The following BEND7 variants were observed in gnomAD, a reference collection of about 807,000 sequenced individuals.
The protein encoded by BEND7 is BEN domain-containing protein 7.
A neutral mutation model predicts 50.9 loss-of-function variants in BEND7; 28 were observed. That is an observed-to-expected ratio of 0.55 (90% CI 0.41 to 0.75). The LOEUF is 0.75. Among genes scored for constraint, BEND7 ranks in the 30% least tolerant of loss-of-function variants. The pLI is 0.00. For synonymous variants in BEND7, 170 were observed against 183.9 expected (o/e 0.92, Z 0.61); for missense variants, 477 against 491.3 (o/e 0.97, Z 0.28).
rs563562472 is a variant in BEND7, at chr10:13,458,756, T to C, written c.1064-6098A>G. On this transcript the variant is annotated intron_variant, in intron 6 of 8. Coordinates refer to ENST00000466271, the MANE Select transcript of BEND7 (RefSeq NM_001369863.1). ...CAGGGGACAAGCAGAGGGACCCAAC[T>C]GGGGAGCACTTGCAGCCAGGGATGT... Among the ~76,000 whole-genome samples the C allele has an allele frequency of 4.6e-5, 7 of 152,288 alleles. No individual in the cohort carries two copies. In the East Asian group the frequency reaches 7.7e-4, roughly 17 times the overall value.
Position 13,466,349 on chromosome 10 carries a change from T to C in BEND7, c.1064-13691A>G, listed in dbSNP as rs535143376. The stretch of plus-strand genomic sequence containing the variant: ...GGCTGAGGTGGGCGGATCACCTGGT[T>C]AGGAGTTTGAGACCAGCCTGGCCAA... On this transcript the variant is annotated intron_variant, in intron 6 of 8. Coordinates refer to ENST00000466271, the MANE Select transcript of BEND7 (RefSeq NM_001369863.1). 3.9e-5 allele frequency among the ~76,000 whole-genome samples: 6 copies of C among 152,056 alleles called. No individual in the cohort carries two copies. In the South Asian group the frequency reaches 1.0e-3, roughly 26 times the overall value.
intron 2 of BEND7, among the ~76,000 whole-genome samples, chr10:13,516,149 T>C (rs2399973): frequency 0.2 from 29,984 of 152,244 alleles, 3,044 homozygotes; most frequent in Middle Eastern, 0.24. Flanking sequence ...ACAGTAGGAA[T>C]ACAGCATTGG....
At chr10:13,500,598 T>C (rs2077371521) in intron 2 of BEND7, 1 of 986,958 alleles carries the variant, frequency 1.0e-6, no homozygotes, top group South Asian at 4.7e-5. Flanking sequence ...CACAATGTCC[T>C]TCAGGATGAC....
intron 6 of BEND7, among the ~76,000 whole-genome samples, chr10:13,479,958 G>C (rs1040314267): frequency 6.6e-6 from 1 of 152,192 alleles, no homozygotes; most frequent in Non-Finnish European, 1.5e-5. Context: ...GGGAACAGAA[G>C]GGGGCAGAGA....
chr10:13,452,440 G>C, intron 7 of BEND7, 99 bp downstream of exon 7: 1 of 1,288,834 alleles, frequency 7.8e-7, no homozygotes, highest in Non-Finnish European at 1.1e-6. Flanking sequence ...TCCTTCAAAA[G>C]ACAAGATGCT....
intron 4 of BEND7, among the ~76,000 whole-genome samples, chr10:13,493,843 C>T (rs2132045475): frequency 6.6e-6 from 1 of 152,266 alleles, no homozygotes; most frequent in East Asian, 1.9e-4. Context: ...TAGGATGTCC[C>T]TGCTTTTCAA....
chr10:13,506,868 G>C (rs952104460), intron 2 of BEND7, among the ~76,000 whole-genome samples: 1 of 152,072 alleles, frequency 6.6e-6, no homozygotes, highest in Non-Finnish European at 1.5e-5. Context: ...ATAACCCCAA[G>C]GTTTCCAGCT....
chr10:13,500,737 G>A (rs1414087134), intron 2 of BEND7: 2 of 985,578 alleles, frequency 2.0e-6, no homozygotes, highest in Non-Finnish European at 2.4e-6. Context: ...CATGGCAAGC[G>A]AGGGGGTTTT....
At chr10:13,498,605 G>C (rs1478956160) in intron 3 of BEND7, among the ~76,000 whole-genome samples, 1 of 152,138 alleles carries the variant, frequency 6.6e-6, no homozygotes, top group Non-Finnish European at 1.5e-5. Context: ...AGTAGAGTTA[G>C]AAAGGTCTTA....
At chr10:13,515,527 T>C (rs1448196596) in intron 2 of BEND7, among the ~76,000 whole-genome samples, 1 of 152,254 alleles carries the variant, frequency 6.6e-6, no homozygotes, top group Non-Finnish European at 1.5e-5. Context: ...TATGGAATAC[T>C]GAAAGAAAAT....
intron 2 of BEND7, among the ~76,000 whole-genome samples, chr10:13,505,440 A>G (rs1162936405): frequency 1.3e-5 from 2 of 152,292 alleles, no homozygotes; most frequent in Non-Finnish European, 2.9e-5. Context: ...TGGACCCAAT[A>G]AAGGTACTGG....
At chr10:13,468,146 C>T (rs533731446) in intron 6 of BEND7, among the ~76,000 whole-genome samples, 1 of 152,302 alleles carries the variant, frequency 6.6e-6, no homozygotes, top group East Asian at 1.9e-4. Flanking sequence ...TGCTCATCCT[C>T]CATAGAAGTC....
chr10:13,460,403 C>T (rs1237561145), intron 6 of BEND7, among the ~76,000 whole-genome samples: 2 of 152,188 alleles, frequency 1.3e-5, no homozygotes, highest in Admixed American at 6.5e-5. Flanking sequence ...TAGAAGAGAG[C>T]ATTTTAAACA....
rs368687064 is a variant in BEND7, at chr10:13,492,698, T to G, written c.750A>C (p.Leu250=). 25 of 1,614,066 alleles carry G rather than the reference T, an allele frequency of 1.5e-5. No individual in the cohort carries two copies. In the African/African-American group the frequency reaches 2.3e-4, roughly 15 times the overall value. Residue 250 remains leucine (L), a synonymous_variant, in exon 5 of 9, where the codon CTA becomes CTC. Coordinates refer to ENST00000466271, the MANE Select transcript of BEND7 (RefSeq NM_001369863.1). ...TGTGCTCGGCTGCCTGGAGAGCAGA[T>G]AGCTCAGAGGCCACCACCGACTTTT... ...MEKKSVVASE[L]SALQAAEHTS... is the part of the protein sequence containing the mutation.
intron 5 of BEND7, among the ~76,000 whole-genome samples, chr10:13,492,308 A>G (rs2076720085): frequency 6.6e-6 from 1 of 152,212 alleles, no homozygotes; most frequent in African/African-American, 2.4e-5. Flanking sequence ...AGGTCTCTAC[A>G]CTAAGGAAAT....
intron 2 of BEND7, among the ~76,000 whole-genome samples, chr10:13,517,022 A>G (rs547470749): frequency 1.3e-5 from 2 of 151,426 alleles, no homozygotes; most frequent in South Asian, 4.2e-4. Flanking sequence ...CAGAACAAAT[A>G]AATTAAGCAA....
intron 2 of BEND7, among the ~76,000 whole-genome samples, chr10:13,509,795 G>A (rs188880236): frequency 6.6e-6 from 1 of 152,258 alleles, no homozygotes; most frequent in African/African-American, 2.4e-5. Context: ...AATGAATGGG[G>A]CAAAGTCAAA....
chr10:13,458,081 A>G (rs1382255157), intron 6 of BEND7, among the ~76,000 whole-genome samples: 1 of 152,250 alleles, frequency 6.6e-6, no homozygotes, highest in East Asian at 1.9e-4. Flanking sequence ...TTGAGTTCCA[A>G]GGCACAGGGC....
In BEND7 at chr10:13,477,522, A is replaced by T. The variant is rs185162749; in HGVS notation, c.1063+3377T>A. Among the ~76,000 whole-genome samples, 1,466 of 152,364 alleles carry T rather than the reference A, an allele frequency of 9.6e-3. 10 individuals are homozygous for T. The highest frequency in any genetic ancestry group is 0.014 in the Non-Finnish European group (931 of 68,028). On this transcript the variant is annotated intron_variant, in intron 6 of 8. Transcript: ENST00000466271. ...ACGAATAACAACAACAACAAAAAAG[A>T]CCTTAAATTAATAGCTACTTCTGAA...
Sources: gnomAD v4.1 joint callset for allele counts (sites outside exome capture counted in the v4.1 genomes callset) on GRCh38, gnomAD v4.1.1 for gene constraint, MANE v1.5 for transcripts, NCBI Gene and HGNC (gene_info 2026-07-23, HGNC 2026-07-21) for gene names.